RRM2: variants seen among roughly 807,000 people sequenced by gnomAD.
RRM2 encodes the protein ribonucleoside-diphosphate reductase subunit M2.
A neutral mutation model predicts 45.9 loss-of-function variants in RRM2; 6 were observed. The observed-to-expected ratio is 0.13, with a 90% CI of 0.07 to 0.26. The LOEUF (loss-of-function observed/expected upper bound fraction) is 0.26, where lower values mean the gene tolerates loss of function less well. Among genes scored for constraint, RRM2 ranks in the 10% least tolerant of loss-of-function variants. The pLI is 1.00. For synonymous variants in RRM2, 177 were observed against 173.0 expected (o/e 1.02, Z -0.18); for missense variants, 343 against 489.5 (o/e 0.70, Z 2.82).
chr2:10,165,469 G>A (rs1195137889), intron 3 of RRM2, among the ~76,000 whole-genome samples: 3 of 152,252 alleles, frequency 2.0e-5, no homozygotes, highest in African/African-American at 7.2e-5. Context: ...CCTAAGGGAA[G>A]CCAACAGGGG....
chr2:10,128,412 T>A (rs1225697762), intron 7 of RRM2, among the ~76,000 whole-genome samples: 1 of 152,266 alleles, frequency 6.6e-6, no homozygotes, highest in Non-Finnish European at 1.5e-5. Context: ...GCTTGATGTT[T>A]AATGCAGTAA....
chr2:10,191,548 G>A (rs1664307238), intron 3 of RRM2, among the ~76,000 whole-genome samples: 2 of 152,158 alleles, frequency 1.3e-5, no homozygotes, highest in East Asian at 3.9e-4. Context: ...TGGGTGCACA[G>A]GCAGAGGAGG....
chr2:10,160,906 T>C lies in RRM2; in HGVS notation n.482+18531T>C, dbSNP rs139587136. 1.6e-3 allele frequency among the ~76,000 whole-genome samples: 237 copies of C among 152,270 alleles called. 3 individuals are homozygous for C. Among genetic ancestry groups the C allele is most frequent in the African/African-American group, 5.5e-3 (227 of 41,556 alleles). On this transcript the variant is annotated intron_variant and non_coding_transcript_variant, in intron 3 of 3. Coordinates refer to the RRM2 transcript ENST00000381786. ...GCCCCTGCAGTGCTCCCACCAGGCT[T>C]TCTGAAGCTGGCCTGGCCCTGAGAC...
chr2:10,165,390 G>T (rs1276600285), intron 3 of RRM2, among the ~76,000 whole-genome samples: 7 of 152,190 alleles, frequency 4.6e-5, no homozygotes, highest in African/African-American at 1.2e-4. Flanking sequence ...CACATGTGGG[G>T]ACCTCCCATT....
At chr2:10,187,814 C>T (rs901606642) in intron 3 of RRM2, among the ~76,000 whole-genome samples, 4 of 152,194 alleles carry the variant, frequency 2.6e-5, no homozygotes, top group Admixed American at 6.5e-5. Flanking sequence ...CAGAGGAAGG[C>T]GAGGAGAGCC....
At chr2:10,123,556 C>T in intron 3 of RRM2, 26 bp downstream of exon 3, 3 of 1,590,042 alleles carry the variant, frequency 1.9e-6, no homozygotes, top group Non-Finnish European at 2.6e-6. Context: ...CAGAAGACCC[C>T]TGCAGGGGTG....
intron 3 of RRM2, among the ~76,000 whole-genome samples, chr2:10,183,046 G>T (rs137878159): frequency 1.4e-4 from 22 of 152,224 alleles, no homozygotes; most frequent in African/African-American, 5.1e-4. Flanking sequence ...AGGTATGGTG[G>T]CGCGTACCCA....
At chr2:10,134,469 G>T (rs1322974418), downstream of RRM2, among the ~76,000 whole-genome samples, 1 of 152,160 alleles carries the variant, frequency 6.6e-6, no homozygotes, top group Non-Finnish European at 1.5e-5. Context: ...GAAGATAAGG[G>T]TTTTAATCCT....
In RRM2 at chr2:10,127,177, T is replaced by C; in HGVS notation, c.755T>C (p.Met252Thr). ...SIFWLKKRGL[M>T]PGLTFSNELI... ...TTCTGGCTCAAGAAACGAGGACTGA[T>C]GCCTGGCCTCACATTTTCTAATGAA... Residue 252 changes from methionine (M) to threonine (T), a missense_variant, in exon 7 of 10, where the codon ATG (methionine) becomes ACG (threonine). Transcript: ENST00000304567. This position sits in a 1 kb window ranked among gnomAD's most constrained non-coding sequence, Gnocchi z 4.1. 6.2e-7 allele frequency: 1 copy of C among 1,614,188 alleles called. No individual in the cohort carries two copies. The highest frequency in any genetic ancestry group is 8.5e-7 in the Non-Finnish European group (1 of 1,180,038).
At chr2:10,164,089 AGTGT>A (rs147179129) in intron 3 of RRM2, among the ~76,000 whole-genome samples, 4 of 151,344 alleles carry the variant, frequency 2.6e-5, no homozygotes, top group Non-Finnish European at 5.9e-5. Context: ...TGTGCATATG[AGTGT>A]GTGTGTGTGG....
Position 10,162,920 on chromosome 2 carries a change from G to T in RRM2, n.482+20545G>T, listed in dbSNP as rs112554084. The stretch of plus-strand genomic sequence containing the variant: ...CCCGGGGCATGGCCGTCCACTGCAG[G>T]TCCCAGGAGGAGCCCCAGCCTGGCT... On this transcript the variant is annotated intron_variant and non_coding_transcript_variant, in intron 3 of 3. Transcript: ENST00000381786. 6.2e-3 allele frequency among the ~76,000 whole-genome samples: 946 copies of T among 152,340 alleles called. 9 individuals are homozygous for T. The highest frequency in any genetic ancestry group is 0.022 in the African/African-American group (911 of 41,584).
chr2:10,172,062 C>T lies in RRM2; in HGVS notation n.482+29687C>T, dbSNP rs1663816707. ...AGGGGAAGCACAGCTCCTTTGGGGTCTGCGTGCATTTGAGCATGAGTGCAT... is the reference window on the plus strand; with the variant it reads ...AGGGGAAGCACAGCTCCTTTGGGGTTTGCGTGCATTTGAGCATGAGTGCAT... On this transcript the variant is annotated intron_variant and non_coding_transcript_variant, in intron 3 of 3. Transcript: ENST00000381786. The surrounding 1 kb of genome is among the most constrained non-coding windows in gnomAD (Gnocchi z 4.9). 6.6e-6 allele frequency among the ~76,000 whole-genome samples: 1 copy of T among 152,208 alleles called. No homozygotes were observed. The highest frequency in any genetic ancestry group is 2.4e-5 in the African/African-American group (1 of 41,462).
chr2:10,177,281 TAA>T (rs35834143), intron 3 of RRM2, among the ~76,000 whole-genome samples: 5,613 of 151,558 alleles, frequency 0.037, 137 homozygotes, highest in East Asian at 0.12. Context: ...TAAAATAGAA[TAA>T]AAAAAAATAT....
At chr2:10,168,972 A>G (rs1346786733) in intron 3 of RRM2, among the ~76,000 whole-genome samples, 2 of 151,654 alleles carry the variant, frequency 1.3e-5, no homozygotes, top group African/African-American at 2.4e-5. Context: ...TATTATTATA[A>G]TATTTATTTA....
chr2:10,180,434 T>C (rs1267912137), intron 3 of RRM2, among the ~76,000 whole-genome samples: 1 of 152,232 alleles, frequency 6.6e-6, no homozygotes, highest in African/African-American at 2.4e-5. Context: ...CATTCATTAT[T>C]CACCCTCGCT....
chr2:10,162,484 C>T (rs72786685), intron 3 of RRM2, among the ~76,000 whole-genome samples: 8,002 of 152,182 alleles, frequency 0.053, 199 homozygotes, highest in Middle Eastern at 0.088. Context: ...TAGAGAACCC[C>T]TTCCTTCTCT....
Position 10,184,091 on chromosome 2 carries a change from T to TAAAAAAAAAAAA in RRM2, n.483-26202_483-26191dup. 1.5e-3 allele frequency among the ~76,000 whole-genome samples: 47 copies of TAAAAAAAAAAAA among 30,680 alleles called. 3 individuals carry two copies. The highest frequency in any genetic ancestry group is 1.9e-3 in the South Asian group (1 of 536). 20.1% of individuals were successfully genotyped at this position (30,680 alleles called of 152,430 possible). A position where few individuals can be genotyped will look rare whatever the true frequency, so the allele number is the denominator to read the frequency against. ...CTGGGTGACAGAGCGAGACTCCATC[T>TAAAAAAAAAAAA]AAAAAAAAAAAAAAAAAAAAAAAAA... On this transcript the variant is annotated intron_variant and non_coding_transcript_variant, in intron 3 of 3. Transcript: ENST00000381786.
At chr2:10,209,060 T>TCTTTCTTTCTTTCTTTC (rs1553330325) in intron 3 of RRM2, among the ~76,000 whole-genome samples, 1 of 144,386 alleles carries the variant, frequency 6.9e-6, no homozygotes, top group African/African-American at 2.5e-5. Flanking sequence ...TTTCTTTCTT[T>TCTTTCTTTCTTTCTTTC]TTTTTTTTTT....
At chr2:10,157,872 G>T (rs1244255096) in intron 3 of RRM2, among the ~76,000 whole-genome samples, 2 of 152,188 alleles carry the variant, frequency 1.3e-5, no homozygotes, top group Non-Finnish European at 2.9e-5. Context: ...GTATTTTAGT[G>T]AGAACCTTCC....
Sources: allele counts gnomAD v4.1 joint callset (sites outside exome capture counted in the v4.1 genomes callset), GRCh38; gene constraint gnomAD v4.1.1; non-coding constraint Gnocchi (gnomAD v3.1); transcripts MANE v1.5; gene names NCBI Gene and HGNC (gene_info 2026-07-23, HGNC 2026-07-21).